The following COL18A1 variants were observed in gnomAD, a reference collection of about 807,000 sequenced individuals.
COL18A1 encodes the protein collagen type XVIII alpha 1 chain, also known as collagen alpha-1(XVIII) chain.
COL18A1 carries 133 observed loss-of-function variants against 168.0 expected under a neutral mutation model. The ratio of observed to expected loss-of-function variants is 0.79; its 90% CI spans 0.69 to 0.91. The LOEUF is 0.91. Ranked by LOEUF, COL18A1 falls within the 40% of genes least tolerant of loss-of-function variation. COL18A1 has a pLI of 0.00. For synonymous variants in COL18A1, 949 were observed against 809.0 expected (o/e 1.17, Z -2.94); for missense variants, 2,126 against 1,925.4 (o/e 1.10, Z -1.95).
intron 37 of COL18A1, chr21:45,507,185 G>A: frequency 4.4e-6 from 1 of 229,368 alleles, no homozygotes; most frequent in Non-Finnish European, 8.0e-6. Flanking sequence ...AGAGGCGGGT[G>A]CTGGGCAGGG....
rs1568949195 is a variant in COL18A1 at position 45,508,507 on chromosome 21, T to TGAGTGGATGGGTGGATGGAC, written c.3250-849_3250-848insGAGTGGATGGGTGGATGGAC. Among the ~76,000 whole-genome samples, 16 of 145,916 alleles carry TGAGTGGATGGGTGGATGGAC rather than the reference T, an allele frequency of 1.1e-4. No individual in the cohort carries two copies. In the East Asian group the frequency reaches 1.2e-3, roughly 11 times the overall value. On this transcript the variant is annotated intron_variant, in intron 38 of 41. Transcript: ENST00000651438. The stretch of plus-strand genomic sequence containing the variant: ...GATGGGTGGGTGGATGGATGGTGGG[T>TGAGTGGATGGGTGGATGGAC]AAGTGGGTTAGTGGATGGGTGGGTG...
Position 45,486,934 on chromosome 21 carries a change from G to A in COL18A1, c.1775G>A (p.Gly592Glu). 1 of 1,504,960 alleles carries A rather than the reference G, an allele frequency of 6.6e-7. No homozygotes were observed. The highest frequency in any genetic ancestry group is 8.9e-7 in the Non-Finnish European group (1 of 1,129,058). The allele number at this position is 1,504,960 out of a possible 1,614,324, so 93.2% of individuals were successfully genotyped here. Residue 592 changes from glycine to glutamate, a missense_variant, in exon 16 of 42, where the codon GGA becomes GAA. By Grantham distance (98) the Gly-to-Glu change is moderately conservative. Coordinates refer to ENST00000651438, the MANE Select transcript of COL18A1 (RefSeq NM_001379500.1). ...CTGGCAGGAGCCCCCGGACCTGCTG[G>A]ACCACCAGGCCCCCCTGGGCCCCCT... ...SGLAGAPGPA[G>E]PPGPPGPPGP... is the part of the protein sequence containing the mutation.
At chr21:45,475,670 G>A in intron 5 of COL18A1, 135 bp downstream of exon 5, 1 of 815,510 alleles carries the variant, frequency 1.2e-6, no homozygotes, top group East Asian at 2.7e-5. Context: ...ATTCCTGGCT[G>A]GGGACAGGGA....
At position 45,512,632 on chromosome 21, in the gene COL18A1, C is replaced by T; in HGVS notation, c.*234C>T. 1 of 583,690 alleles carries T rather than the reference C, an allele frequency of 1.7e-6. No homozygotes were observed. The highest frequency in any genetic ancestry group is 2.0e-5 in the South Asian group (1 of 50,394). 36.2% of individuals were successfully genotyped at this position (583,690 alleles called of 1,614,324 possible). A position where few individuals can be genotyped will look rare whatever the true frequency, so the allele number is the denominator to read the frequency against. ...TTCACCTGCCCCAACTCTCCCCTGACCTGTGAGCCCAGCTGGGTCAGGCAG... is the reference window on the plus strand; with the variant it reads ...TTCACCTGCCCCAACTCTCCCCTGATCTGTGAGCCCAGCTGGGTCAGGCAG... On this transcript the variant is annotated 3_prime_UTR_variant, in exon 42 of 42. Transcript: ENST00000651438.
chr21:45,458,352 G>C (rs1396410074), intron 2 of COL18A1, among the ~76,000 whole-genome samples: 4 of 150,908 alleles, frequency 2.7e-5, no homozygotes, highest in Admixed American at 2.6e-4. Flanking sequence ...GGAGCTCTCT[G>C]AGGCAGGGGC....
chr21:45,495,893 CTA>C (rs2036522138), intron 29 of COL18A1: 1 of 317,466 alleles, frequency 3.1e-6, no homozygotes, highest in Non-Finnish European at 6.2e-6. Flanking sequence ...ACATACATGA[CTA>C]TGAGCCCTCC....
chr21:45,456,605 C>T (rs941442025), intron 2 of COL18A1: 3 of 1,541,072 alleles, frequency 1.9e-6, no homozygotes, highest in African/African-American at 1.4e-5. Flanking sequence ...CAACCACCTC[C>T]ACCACGAGAG....
At chr21:45,439,449 G>A (rs970765003) in intron 2 of COL18A1, among the ~76,000 whole-genome samples, 3 of 152,398 alleles carry the variant, frequency 2.0e-5, no homozygotes, top group South Asian at 2.1e-4. Flanking sequence ...GTATCGCAAC[G>A]TGTGCGTTAC....
Position 45,491,206 on chromosome 21 carries a change from G to A in COL18A1, c.2068-19G>A, listed in dbSNP as rs1043347919. The A allele has an allele frequency of 2.4e-5, 38 of 1,599,056 alleles. No homozygotes were observed. Among genetic ancestry groups the A allele is most frequent in the South Asian group, 4.4e-5 (4 of 90,810 alleles). ...GAGCGGTTGAGATGAAATGCCGGAC[G>A]CGTGGCCTCCTCTTCCAGGGAGATC... On this transcript the variant is annotated intron_variant, in intron 21 of 41. Transcript: ENST00000651438.
At chr21:45,503,287 A>C (rs546833265) in intron 32 of COL18A1, among the ~76,000 whole-genome samples, 60 of 151,320 alleles carry the variant, frequency 4.0e-4, no homozygotes, top group African/African-American at 1.4e-3. Flanking sequence ...ATGGTATCTC[A>C]TTGTGGTTTT....
At position 45,498,656 on chromosome 21, in the gene COL18A1, G is replaced by C. The variant is rs1349405419; in HGVS notation, c.2683+995G>C. 1.4e-6 allele frequency: 1 copy of C among 694,790 alleles called. No homozygotes were observed. The highest frequency in any genetic ancestry group is 2.7e-5 in the East Asian group (1 of 36,864). The allele number at this position is 694,790 out of a possible 1,614,324, so 43.0% of individuals were successfully genotyped here. Reference sequence around the variant, plus strand: ...GCAGAAAGCAAGCGGGAAGATGGAAGATGTGCCCATGCCAGCCTTGGATCT... The same window carrying C: ...GCAGAAAGCAAGCGGGAAGATGGAACATGTGCCCATGCCAGCCTTGGATCT... On this transcript the variant is annotated intron_variant, in intron 32 of 41. Transcript: ENST00000651438. The surrounding 1 kb of genome is among the most constrained non-coding windows in gnomAD (Gnocchi z 4.5).
At chr21:45,429,153 G>A (rs536339475) in intron 2 of COL18A1, among the ~76,000 whole-genome samples, 60 of 152,122 alleles carry the variant, frequency 3.9e-4, no homozygotes, top group Admixed American at 2.6e-4. Context: ...TGCCCGCCTC[G>A]GCCTCCCAAA....
At chr21:45,496,666 C>T (rs936759985) in intron 30 of COL18A1, 98 bp downstream of exon 30, 14 of 773,560 alleles carry the variant, frequency 1.8e-5, no homozygotes, top group Admixed American at 1.5e-4. Context: ...GCCTCTGCGT[C>T]TGGGGGTCCT....
chr21:45,489,124 G>GCT (rs1241153535), intron 18 of COL18A1, among the ~76,000 whole-genome samples: 1 of 152,246 alleles, frequency 6.6e-6, no homozygotes, highest in Non-Finnish European at 1.5e-5. Context: ...TTTGAGCTTT[G>GCT]CTTTCATTTG....
intron 2 of COL18A1, among the ~76,000 whole-genome samples, chr21:45,416,282 C>T (rs1167132428): frequency 6.6e-6 from 1 of 152,240 alleles, no homozygotes; most frequent in Non-Finnish European, 1.5e-5. Flanking sequence ...CTGCAGCCCA[C>T]TTTCTGGCCA....
At chr21:45,442,767 G>T (rs1419628580) in intron 2 of COL18A1, among the ~76,000 whole-genome samples, 1 of 110,122 alleles carries the variant, frequency 9.1e-6, no homozygotes, top group Non-Finnish European at 1.8e-5. Flanking sequence ...CAGCGGTGCT[G>T]GTGTGGGCGG....
At chr21:45,476,586 G>C in intron 6 of COL18A1, 106 bp downstream of exon 6, 2 of 1,373,814 alleles carry the variant, frequency 1.5e-6, no homozygotes, top group Non-Finnish European at 2.0e-6. Context: ...GGTGTGTGTA[G>C]TGTGTGGTGT....
rs548557308 is a variant in COL18A1, at chr21:45,510,007, G to C, written c.3496-57G>C. 130 of 1,522,064 alleles carry C rather than the reference G, an allele frequency of 8.5e-5. No individual in the cohort carries two copies. In the South Asian group the frequency reaches 1.5e-3, roughly 18 times the overall value. 94.3% of individuals were successfully genotyped at this position (1,522,064 alleles called of 1,614,324 possible). ...GCGGGGCCGGGGTGGTGCGCCCGGG[G>C]CCTGGGTGCAGGGGGCAGCGTGGGA... is the stretch of plus-strand genomic sequence containing the variant. On this transcript the variant is annotated intron_variant, in intron 39 of 41. Transcript: ENST00000651438.
In COL18A1 at chr21:45,505,115, C is replaced by T. The variant is rs1308901302; in HGVS notation, c.2869-19C>T. 1.1e-5 allele frequency: 18 copies of T among 1,605,744 alleles called. No homozygotes were observed. Among genetic ancestry groups the T allele is most frequent in the African/African-American group, 2.7e-5 (2 of 74,854 alleles). On this transcript the variant is annotated intron_variant, in intron 34 of 41. Coordinates refer to ENST00000651438, the MANE Select transcript of COL18A1 (RefSeq NM_001379500.1). Reference sequence around the variant, plus strand: ...AGGGCACGAGGTAACCAGGAAGCGTCTCTTGTCGCCGTCCGTAGGGTCCCA... The same window carrying T: ...AGGGCACGAGGTAACCAGGAAGCGTTTCTTGTCGCCGTCCGTAGGGTCCCA...
Sources: gnomAD v4.1 joint callset for allele counts (sites outside exome capture counted in the v4.1 genomes callset) on GRCh38, gnomAD v4.1.1 for gene constraint, Gnocchi (gnomAD v3.1) non-coding constraint, MANE v1.5 for transcripts, NCBI Gene and HGNC (gene_info 2026-07-23, HGNC 2026-07-21) for gene names.